The following OXR1 variants were observed in gnomAD, a reference collection of about 807,000 sequenced individuals.
OXR1 encodes oxidation resistance protein 1.
In OXR1, 41 loss-of-function variants were observed where a neutral mutation model predicts 104.6. That is an observed-to-expected ratio of 0.39 (90% CI 0.31 to 0.51). OXR1 has a LOEUF of 0.51. Among genes scored for constraint, OXR1 ranks in the 20% least tolerant of loss-of-function variants. OXR1 has a pLI of 0.77. For synonymous variants in OXR1, 348 were observed against 348.4 expected, an observed-to-expected ratio of 1.00 and a Z score of 0.01; for missense variants, 955 against 1,031.9, an observed-to-expected ratio of 0.93 and a Z score of 1.02.
At chr8:106,425,246 T>C (rs370829906) in intron 2 of OXR1, among the ~76,000 whole-genome samples, 1 of 151,862 alleles carries the variant, frequency 6.6e-6, no homozygotes, top group Non-Finnish European at 1.5e-5. Flanking sequence ...TCTTTTTTTA[T>C]AGAGCTGAGG....
At chr8:106,540,374 T>C in intron 3 of OXR1, among the ~76,000 whole-genome samples, 1 of 152,272 alleles carries the variant, frequency 6.6e-6, no homozygotes. Flanking sequence ...TAAATATATA[T>C]AAGGGATTCT....
chr8:106,497,805 T>TGTGC (rs1554583326), intron 2 of OXR1, among the ~76,000 whole-genome samples: 14 of 144,198 alleles, frequency 9.7e-5, no homozygotes, highest in African/African-American at 3.8e-4. Context: ...TGTGTGTGTG[T>TGTGC]GCACACGCGT....
chr8:106,686,961 T>A (rs1828797454), intron 6 of OXR1, among the ~76,000 whole-genome samples: 1 of 152,204 alleles, frequency 6.6e-6, no homozygotes, highest in African/African-American at 2.4e-5. Flanking sequence ...GCAACAGGTA[T>A]AATTCTAAGC....
chr8:106,610,889 A>G (rs934341442), intron 3 of OXR1, among the ~76,000 whole-genome samples: 3 of 152,228 alleles, frequency 2.0e-5, no homozygotes, highest in African/African-American at 7.2e-5. Context: ...TTCCGTCAAT[A>G]AGGTTTTCCT....
At chr8:106,743,972 T>G (rs146151213) in intron 15 of OXR1, among the ~76,000 whole-genome samples, 3 of 152,280 alleles carry the variant, frequency 2.0e-5, no homozygotes, top group African/African-American at 7.2e-5. Flanking sequence ...TTCTCACTTA[T>G]AAGAAAGAGC....
intron 2 of OXR1, among the ~76,000 whole-genome samples, chr8:106,414,528 G>A (rs1345497409): frequency 1.3e-5 from 2 of 152,116 alleles, no homozygotes; most frequent in Non-Finnish European, 2.9e-5. Flanking sequence ...TCCAGAAGCA[G>A]ATAGTCTTCT....
At chr8:106,419,222 C>G (rs892012899) in intron 2 of OXR1, among the ~76,000 whole-genome samples, 6 of 152,180 alleles carry the variant, frequency 3.9e-5, no homozygotes, top group South Asian at 2.1e-4. Context: ...CCTGACGAAG[C>G]ATCTTCCTTC....
chr8:106,672,099 G>T (rs914706767), intron 3 of OXR1, among the ~76,000 whole-genome samples: 1 of 151,262 alleles, frequency 6.6e-6, no homozygotes, highest in African/African-American at 2.4e-5. Context: ...CAGATATGTG[G>T]GGAAAAACCG....
chr8:106,578,143 A>G (rs1425334520), intron 3 of OXR1, among the ~76,000 whole-genome samples: 3 of 152,146 alleles, frequency 2.0e-5, no homozygotes, highest in Admixed American at 2.0e-4. Flanking sequence ...GTTTCCCGAT[A>G]TTGCATATTT....
At chr8:106,365,078 T>C (rs1449792087) in intron 2 of OXR1, among the ~76,000 whole-genome samples, 1 of 151,966 alleles carries the variant, frequency 6.6e-6, no homozygotes, top group African/African-American at 2.4e-5. Context: ...GGTTTTATAG[T>C]AAAGGAGGAA....
intron 2 of OXR1, among the ~76,000 whole-genome samples, chr8:106,491,812 T>C (rs1007877156): frequency 1.3e-5 from 2 of 152,190 alleles, no homozygotes; most frequent in Admixed American, 6.5e-5. Flanking sequence ...AATTCATAGG[T>C]ATCAATTGAG....
intron 1 of OXR1, among the ~76,000 whole-genome samples, chr8:106,291,122 T>C (rs1812733261): frequency 6.6e-6 from 1 of 152,128 alleles, no homozygotes; most frequent in Non-Finnish European, 1.5e-5. Context: ...CATAAAAAAA[T>C]GGAATTATGT....
At chr8:106,642,318 G>A (rs978968837) in intron 3 of OXR1, among the ~76,000 whole-genome samples, 2 of 152,044 alleles carry the variant, frequency 1.3e-5, no homozygotes. Context: ...ACTCCCTCCT[G>A]TAACAAACTT....
At chr8:106,571,479 T>A (rs1817465647) in intron 3 of OXR1, among the ~76,000 whole-genome samples, 1 of 152,096 alleles carries the variant, frequency 6.6e-6, no homozygotes, top group African/African-American at 2.4e-5. Flanking sequence ...ACCATTGCCC[T>A]GGGAGCTAGG....
intron 2 of OXR1, among the ~76,000 whole-genome samples, chr8:106,397,035 T>C (rs1392062822): frequency 6.6e-6 from 1 of 152,148 alleles, no homozygotes; most frequent in African/African-American, 2.4e-5. Flanking sequence ...CTACTATTTA[T>C]ATTAAAATAT....
chr8:106,527,533 T>C (rs535596191), intron 3 of OXR1, among the ~76,000 whole-genome samples: 1 of 152,322 alleles, frequency 6.6e-6, no homozygotes, highest in South Asian at 2.1e-4. Flanking sequence ...TTCTGTATGA[T>C]GTATCTTGGG....
At chr8:106,621,626 C>T (rs1821712644) in intron 3 of OXR1, among the ~76,000 whole-genome samples, 1 of 151,262 alleles carries the variant, frequency 6.6e-6, no homozygotes, top group Non-Finnish European at 1.5e-5. Flanking sequence ...AACTATAAAA[C>T]ACAAGATTAT....
At chr8:106,604,172 T>G (rs1820188211) in intron 3 of OXR1, among the ~76,000 whole-genome samples, 1 of 152,240 alleles carries the variant, frequency 6.6e-6, no homozygotes, top group South Asian at 2.1e-4. Flanking sequence ...CCATAGCACT[T>G]GGCCACAAAC....
chr8:106,310,431 CCACTGTCATGCACCATTTCCCTT>C (rs1276437689), intron 1 of OXR1, among the ~76,000 whole-genome samples: 16 of 152,158 alleles, frequency 1.1e-4, no homozygotes, highest in Non-Finnish European at 1.3e-4. Flanking sequence ...TTCTGCTGCG[CCACTGTCATGCACCATTTCCCTT>C]CACTGTCATC....
Sources: gnomAD v4.1 joint callset for allele counts (sites outside exome capture counted in the v4.1 genomes callset) on GRCh38, gnomAD v4.1.1 for gene constraint, MANE v1.5 for transcripts, NCBI Gene and HGNC (gene_info 2026-07-23, HGNC 2026-07-21) for gene names.